PXDN: variants seen among roughly 807,000 people sequenced by gnomAD.
PXDN encodes peroxidasin.
A neutral mutation model predicts 140.3 loss-of-function variants in PXDN; 77 were observed. That is an observed-to-expected ratio of 0.55 (90% CI 0.46 to 0.66). PXDN has a LOEUF of 0.66. Ranked by LOEUF, PXDN falls within the 30% of genes least tolerant of loss-of-function variation. The pLI is 0.00. For synonymous variants in PXDN, 911 were observed against 857.4 expected (o/e 1.06, Z -1.09); for missense variants, 1,838 against 2,039.5 (o/e 0.90, Z 1.90).
At chr2:1,728,585 G>C (rs1312124393) in intron 1 of PXDN, among the ~76,000 whole-genome samples, 2 of 152,152 alleles carry the variant, frequency 1.3e-5, no homozygotes, top group Non-Finnish European at 2.9e-5. Context: ...CGTAAACAGG[G>C]TCTTTTTCAA....
intron 11 of PXDN, chr2:1,664,560 T>C (rs1223410577): frequency 5.8e-6 from 1 of 172,612 alleles, no homozygotes; most frequent in African/African-American, 2.4e-5. Context: ...GCAAAAGCTA[T>C]TCGTCTGTTT....
intron 1 of PXDN, among the ~76,000 whole-genome samples, chr2:1,743,796 G>A (rs1473047773): frequency 6.8e-6 from 1 of 146,198 alleles, no homozygotes; most frequent in African/African-American, 2.5e-5. Flanking sequence ...GGACGGAGGG[G>A]GCTGCGCCGC....
At chr2:1,646,677 GT>G (rs1350332079) in intron 17 of PXDN, among the ~76,000 whole-genome samples, 1 of 152,134 alleles carries the variant, frequency 6.6e-6, no homozygotes, top group Non-Finnish European at 1.5e-5. Flanking sequence ...TCCTAACAGG[GT>G]ATGTCCTAAC....
intron 1 of PXDN, among the ~76,000 whole-genome samples, chr2:1,737,193 C>T (rs1188543186): frequency 6.6e-6 from 1 of 152,176 alleles, no homozygotes; most frequent in African/African-American, 2.4e-5. Flanking sequence ...CACCCAAGGC[C>T]CTCAGACGCC....
chr2:1,689,628 C>CA (rs1330074505), intron 3 of PXDN, among the ~76,000 whole-genome samples: 1 of 151,918 alleles, frequency 6.6e-6, no homozygotes, highest in Non-Finnish European at 1.5e-5. Flanking sequence ...ATTAAAAATA[C>CA]AAAAAATTAG....
At chr2:1,721,670 A>G (rs1016177399) in intron 1 of PXDN, among the ~76,000 whole-genome samples, 54 of 152,170 alleles carry the variant, frequency 3.5e-4, no homozygotes, top group African/African-American at 1.3e-3. Context: ...CCCCGTCTCT[A>G]CTAAAAATTA....
chr2:1,663,241 A>G (rs1236771710), intron 12 of PXDN, among the ~76,000 whole-genome samples: 2 of 152,208 alleles, frequency 1.3e-5, no homozygotes, highest in Non-Finnish European at 2.9e-5. Flanking sequence ...TGACTTGATT[A>G]GACTGTGTTA....
rs534755211 is a variant in PXDN, at chr2:1,722,985, CATGG to C, written c.200+21267_200+21270del. Reference sequence around the variant, plus strand: ...TGTGTGGATGGATGGATGCACGCATCATGGATGGATAGATAGGTGGGTGATTATG... The same window carrying C: ...TGTGTGGATGGATGGATGCACGCATCATGGATAGATAGGTGGGTGATTATG... On this transcript the variant is annotated intron_variant, in intron 1 of 22. Transcript: ENST00000252804. Among the ~76,000 whole-genome samples the C allele has an allele frequency of 7.1e-3, 1,082 of 152,112 alleles. 5 individuals are homozygous for C. The highest frequency in any genetic ancestry group is 0.012 in the Non-Finnish European group (799 of 67,996).
At chr2:1,733,016 C>CA (rs1439564980) in intron 1 of PXDN, among the ~76,000 whole-genome samples, 5 of 151,904 alleles carry the variant, frequency 3.3e-5, no homozygotes, top group Non-Finnish European at 7.4e-5. Context: ...ACTTTCAAGA[C>CA]AAAAAATAGA....
intron 14 of PXDN, among the ~76,000 whole-genome samples, chr2:1,658,083 T>TCTCTCTCCC (rs1553359701): frequency 1.3e-5 from 1 of 77,700 alleles, no homozygotes; most frequent in African/African-American, 5.7e-5. Context: ...TCTCTCTCTC[T>TCTCTCTCCC]CTCTCTCTCT....
intron 21 of PXDN, among the ~76,000 whole-genome samples, chr2:1,637,418 C>T (rs1682587993): frequency 6.6e-6 from 1 of 151,700 alleles, no homozygotes; most frequent in South Asian, 2.1e-4. Flanking sequence ...CTGACAGCTG[C>T]CAGGCGATGT....
intron 3 of PXDN, among the ~76,000 whole-genome samples, chr2:1,690,998 A>G (rs539105798): frequency 1.3e-5 from 2 of 152,360 alleles, no homozygotes; most frequent in African/African-American, 4.8e-5. Context: ...TGTGGAGTGT[A>G]AAACCTAGAT....
rs779285036 is a variant in PXDN, at chr2:1,644,606, G to A, written c.3743+12C>T. The A allele has an allele frequency of 2.5e-6, 4 of 1,583,268 alleles. No individual in the cohort carries two copies. Among genetic ancestry groups the A allele is most frequent in the East Asian group, 2.3e-5 (1 of 43,766 alleles). ...TTAGGAGCGTGCTCCCCTTTCTGGTGCACGTGCTCACCTGTCCCCATCTCG... is the reference window on the plus strand; with the variant it reads ...TTAGGAGCGTGCTCCCCTTTCTGGTACACGTGCTCACCTGTCCCCATCTCG... On this transcript the variant is annotated intron_variant, in intron 18 of 22. Transcript: ENST00000252804.
intron 1 of PXDN, among the ~76,000 whole-genome samples, chr2:1,706,243 T>C (rs528829565): frequency 6.6e-6 from 1 of 151,954 alleles, no homozygotes; most frequent in Non-Finnish European, 1.5e-5. Flanking sequence ...TCTGGGAGGG[T>C]GGGGCTTCCC....
intron 1 of PXDN, among the ~76,000 whole-genome samples, chr2:1,696,943 C>T (rs1004905471): frequency 6.6e-6 from 1 of 152,198 alleles, no homozygotes; most frequent in African/African-American, 2.4e-5. Flanking sequence ...TGAACCCCAA[C>T]TTCAAGGTCA....
intron 9 of PXDN, chr2:1,672,188 C>T (rs1683594129): frequency 6.6e-6 from 1 of 152,138 alleles, no homozygotes; most frequent in African/African-American, 2.4e-5. Flanking sequence ...TCTGAGGGAG[C>T]TACACCCACA....
intron 3 of PXDN, among the ~76,000 whole-genome samples, chr2:1,690,189 T>A (rs1684154235): frequency 6.6e-6 from 1 of 152,204 alleles, no homozygotes; most frequent in Non-Finnish European, 1.5e-5. Context: ...CGGGCCTCTC[T>A]GGACAGCTTC....
At chr2:1,653,283 C>T (rs933959923) in intron 16 of PXDN, 10 of 357,898 alleles carry the variant, frequency 2.8e-5, no homozygotes, top group African/African-American at 1.3e-4. Context: ...GGAGCAAGCA[C>T]GCTGCCAAGT....
chr2:1,737,496 T>C (rs74259120), intron 1 of PXDN, among the ~76,000 whole-genome samples: 4,958 of 152,210 alleles, frequency 0.033, 233 homozygotes, highest in South Asian at 0.2. Flanking sequence ...CTGTGGCCTT[T>C]TGGATCTGAA....
Sources: gnomAD v4.1 joint callset for allele counts (sites outside exome capture counted in the v4.1 genomes callset) on GRCh38, gnomAD v4.1.1 for gene constraint, MANE v1.5 for transcripts, NCBI Gene and HGNC (gene_info 2026-07-23, HGNC 2026-07-21) for gene names.